The following PAPOLG variants were observed in gnomAD, a reference collection of about 807,000 sequenced individuals.
PAPOLG encodes poly(A) polymerase gamma.
PAPOLG carries 40 observed loss-of-function variants against 99.0 expected under a neutral mutation model. The observed-to-expected ratio is 0.40, with a 90% CI of 0.31 to 0.53. The LOEUF (loss-of-function observed/expected upper bound fraction) is 0.53, where lower values mean the gene tolerates loss of function less well. Ranked by LOEUF, PAPOLG falls within the 20% of genes least tolerant of loss-of-function variation. The pLI is 0.41. For missense variants in PAPOLG, 675 were observed against 884.1 expected, an observed-to-expected ratio of 0.76 and a Z score of 3.00; for synonymous variants, 310 against 299.3, an observed-to-expected ratio of 1.04 and a Z score of -0.37.
chr2:60,783,598 C>T (rs897354432), intron 13 of PAPOLG, among the ~76,000 whole-genome samples: 3 of 149,948 alleles, frequency 2.0e-5, no homozygotes, highest in African/African-American at 7.4e-5. Flanking sequence ...GCAACCTCCG[C>T]CTCCTGGGTT....
intron 8 of PAPOLG, among the ~76,000 whole-genome samples, chr2:60,779,046 C>G (rs958715445): frequency 4.6e-5 from 7 of 151,158 alleles, no homozygotes; most frequent in African/African-American, 1.5e-4. Flanking sequence ...ATGATTGTGC[C>G]AGTTCACTCC....
At position 60,793,675 on chromosome 2, in the gene PAPOLG, A is replaced by G. The variant is rs1003968951; in HGVS notation, c.1728A>G (p.Val576=). 6.2e-7 allele frequency: 1 copy of G among 1,613,854 alleles called. No homozygotes were observed. Among genetic ancestry groups the G allele is most frequent in the Non-Finnish European group, 8.5e-7 (1 of 1,179,814 alleles). The change falls in exon 18 of 22, where the codon GTA becomes GTG. Residue 576 remains valine, a synonymous_variant. Coordinates refer to ENST00000238714, the MANE Select transcript of PAPOLG (RefSeq NM_022894.4). ...AAVIVEKPLS[V]PPAQGLSIPV... ...TAATTGTGGAGAAGCCACTGAGTGT[A>G]CCACCAGCCCAAGGACTTTCCATTC...
At position 60,766,054 on chromosome 2, in the gene PAPOLG, C is replaced by G. The variant is rs1670666866; in HGVS notation, c.247-2416C>G. On this transcript the variant is annotated intron_variant, in intron 3 of 21. Coordinates refer to ENST00000238714, the MANE Select transcript of PAPOLG (RefSeq NM_022894.4). ...CAGAAGCATTAACAAGGATAATATC[C>G]TATTATATAGATACTTACATTCAAG... Among the ~76,000 whole-genome samples the G allele has an allele frequency of 1.3e-5, 2 of 152,090 alleles. 1 individual carries two copies. The highest frequency in any genetic ancestry group is 4.1e-4 in the South Asian group (2 of 4,832).
rs1213529645 is a variant in PAPOLG, at chr2:60,783,501, T to C, written c.1166+292T>C. Among the ~76,000 whole-genome samples, 5 of 61,520 alleles carry C rather than the reference T, an allele frequency of 8.1e-5. No homozygotes were observed. The East Asian group carries it at 9.1e-4, about 11-fold the overall frequency. The allele number at this position is 61,520 out of a possible 152,430, so 40.4% of individuals were successfully genotyped here. ...CAGGCCTGAGCCACTTTACCCGGCC[T>C]TTTTTTTTTTTTTTTTTTTTTTTTT... On this transcript the variant is annotated intron_variant, in intron 13 of 21. Transcript: ENST00000238714.
At chr2:60,768,584 C>T (rs769825866) in intron 4 of PAPOLG, 33 bp downstream of exon 4, 2 of 1,498,232 alleles carry the variant, frequency 1.3e-6, no homozygotes, top group East Asian at 2.3e-5. Context: ...GTGCTAAGAA[C>T]ATTCAATAAC....
At chr2:60,788,149 A>T (rs2103815312) in intron 15 of PAPOLG, among the ~76,000 whole-genome samples, 1 of 152,280 alleles carries the variant, frequency 6.6e-6, no homozygotes, top group Middle Eastern at 3.4e-3. Flanking sequence ...ATATAAAAAT[A>T]AAAGAAAATA....
rs767648519 is a variant in PAPOLG at position 60,779,730 on chromosome 2, C to T, written c.788C>T (p.Ala263Val). The change falls in exon 9 of 22, where the codon GCA (alanine) becomes GTA (valine). Residue 263 changes from alanine (A) to valine (V), a missense_variant. Ala to Val is a moderately conservative substitution (Grantham distance 64). Around this residue, in one of 3 missense-constraint regions of PAPOLG, gnomAD observed 113 missense variants for 231.5 expected, o/e 0.49. Coordinates refer to ENST00000238714, the MANE Select transcript of PAPOLG (RefSeq NM_022894.4). ...ACTTGCCAATTGTATCCAAATGCAG[C>T]AGCATCTACTTTAGTTCATAAGTTC... ...ARTCQLYPNA[A>V]ASTLVHKFFL... 1 of 1,614,074 alleles carries T rather than the reference C, an allele frequency of 6.2e-7. No homozygotes were observed. Among genetic ancestry groups the T allele is most frequent in the East Asian group, 2.2e-5 (1 of 44,872 alleles).
At chr2:60,768,985 T>G in intron 5 of PAPOLG, 95 bp downstream of exon 5, 1 of 898,680 alleles carries the variant, frequency 1.1e-6, no homozygotes, top group Non-Finnish European at 1.7e-6. Context: ...CCTTCTAAGT[T>G]ACTATTAGGA....
chr2:60,766,695 A>C (rs200617882), intron 3 of PAPOLG, among the ~76,000 whole-genome samples: 2 of 147,434 alleles, frequency 1.4e-5, no homozygotes, highest in African/African-American at 2.5e-5. Context: ...AAAAAAAAAA[A>C]CCCAAAAAAA....
At chr2:60,759,706 GA>G (rs751500959) in intron 1 of PAPOLG, among the ~76,000 whole-genome samples, 1 of 152,036 alleles carries the variant, frequency 6.6e-6, no homozygotes, top group Non-Finnish European at 1.5e-5. Context: ...CTTTCCTGGG[GA>G]AAAAAACCCA....
chr2:60,756,395 G>A lies in PAPOLG; in HGVS notation c.-84G>A. The stretch of plus-strand genomic sequence containing the variant: ...GCAAGCGAGCTACTAGCGACCGGAG[G>A]AAAGTGAACAGGGGGAGAAGGGAAC... On this transcript the variant is annotated 5_prime_UTR_variant, in exon 1 of 22. Coordinates refer to ENST00000238714, the MANE Select transcript of PAPOLG (RefSeq NM_022894.4). The A allele has an allele frequency of 6.3e-7, 1 of 1,585,760 alleles. No individual in the cohort carries two copies.
chr2:60,801,349 A>G lies in PAPOLG; in HGVS notation c.*4189A>G, dbSNP rs1017374935. The G allele has an allele frequency of 3.3e-5, 5 of 152,276 alleles. No individual in the cohort carries two copies. Among genetic ancestry groups the G allele is most frequent in the Non-Finnish European group, 5.9e-5 (4 of 68,034 alleles). 9.4% of individuals were successfully genotyped at this position (152,276 alleles called of 1,614,324 possible). A position where few individuals can be genotyped will look rare whatever the true frequency, so the allele number is the denominator to read the frequency against. On this transcript the variant is annotated 3_prime_UTR_variant, in exon 22 of 22. Transcript: ENST00000238714. ...GCTTAGAATTTAAATTGGTCATAGTAGCAAATAGTGCAGATGATGGAAGAA... is the reference window on the plus strand; with the variant it reads ...GCTTAGAATTTAAATTGGTCATAGTGGCAAATAGTGCAGATGATGGAAGAA...
intron 17 of PAPOLG, among the ~76,000 whole-genome samples, 174 bp downstream of exon 17, chr2:60,792,463 G>A (rs940982877): frequency 4.6e-5 from 7 of 152,140 alleles, no homozygotes; most frequent in South Asian, 4.1e-4. Context: ...TGTGGGAAAC[G>A]GTATAGGCTT....
intron 3 of PAPOLG, among the ~76,000 whole-genome samples, chr2:60,767,775 A>C (rs1385761072): frequency 6.6e-6 from 1 of 152,220 alleles, no homozygotes; most frequent in Non-Finnish European, 1.5e-5. Context: ...ATTGGCCAAG[A>C]GTGTTATGTT....
In PAPOLG at chr2:60,794,113, A is replaced by G. The variant is rs1488360052; in HGVS notation, c.1911A>G (p.Ile637Met). Residue 637 changes from isoleucine (I) to methionine (M), a missense_variant, in exon 19 of 22, where the codon ATA becomes ATG. Physicochemically the swap from Ile to Met is conservative, Grantham distance 10. Transcript: ENST00000238714. ...GQPHLNGMSN[I>M]TKTVTPKRSH... Reference sequence around the variant, plus strand: ...CGCATCTGAATGGAATGTCAAATATAACTAAGACTGTTACACCTAAGAGAT... The same window carrying G: ...CGCATCTGAATGGAATGTCAAATATGACTAAGACTGTTACACCTAAGAGAT... 3 of 1,614,010 alleles carry G rather than the reference A, an allele frequency of 1.9e-6. No individual in the cohort carries two copies. The highest frequency in any genetic ancestry group is 2.5e-6 in the Non-Finnish European group (3 of 1,179,930).
intron 18 of PAPOLG, 111 bp from the exon 19 acceptor site, chr2:60,793,860 G>A: frequency 7.0e-7 from 1 of 1,419,150 alleles, no homozygotes; most frequent in South Asian, 1.4e-5. Flanking sequence ...GCAGTGAGCT[G>A]TGATCAAGCC....
At chr2:60,757,953 G>A (rs1199332759) in intron 1 of PAPOLG, among the ~76,000 whole-genome samples, 2 of 152,224 alleles carry the variant, frequency 1.3e-5, no homozygotes, top group Non-Finnish European at 2.9e-5. Context: ...CGTCATCATG[G>A]TGTCAGAGCT....
chr2:60,767,329 TTTTTTC>T (rs1231176127), intron 3 of PAPOLG, among the ~76,000 whole-genome samples: 21 of 152,044 alleles, frequency 1.4e-4, no homozygotes, highest in Admixed American at 1.4e-3. Flanking sequence ...AAATTAGCTT[TTTTTTC>T]TTTTTCTTTC....
chr2:60,757,136 A>T (rs569781825), intron 1 of PAPOLG, among the ~76,000 whole-genome samples: 1 of 152,356 alleles, frequency 6.6e-6, no homozygotes, highest in East Asian at 1.9e-4. Context: ...TAATTTAAAC[A>T]TGCAGAAAAA....
Sources: gnomAD v4.1 joint callset for allele counts (sites outside exome capture counted in the v4.1 genomes callset) on GRCh38, gnomAD v4.1.1 for gene constraint, gnomAD v4.1.1 regional missense constraint, MANE v1.5 for transcripts, NCBI Gene and HGNC (gene_info 2026-07-23, HGNC 2026-07-21) for gene names.